LARP1B: variants seen among roughly 807,000 people sequenced by gnomAD.
LARP1B encodes the protein la-related protein 1B.
In LARP1B, 76 loss-of-function variants were observed where a neutral mutation model predicts 114.2. That is an observed-to-expected ratio of 0.67 (90% confidence interval 0.55 to 0.81). LARP1B has a LOEUF of 0.81. Among genes scored for constraint, LARP1B ranks in the 30% least tolerant of loss-of-function variants. The pLI, the probability that LARP1B is intolerant of heterozygous loss-of-function variation, is 0.00. For synonymous variants in LARP1B, 345 were observed against 348.0 expected (o/e 0.99, Z 0.10); for missense variants, 1,014 against 1,075.8 (o/e 0.94, Z 0.80).
intron 7 of LARP1B, among the ~76,000 whole-genome samples, chr4:128,092,228 G>T (rs1230803417): frequency 6.6e-6 from 1 of 152,036 alleles, no homozygotes; most frequent in Non-Finnish European, 1.5e-5. Flanking sequence ...ATAAAAAATG[G>T]TGGTATCTTT....
intron 12 of LARP1B, among the ~76,000 whole-genome samples, chr4:128,171,302 T>G (rs964311318): frequency 6.6e-6 from 1 of 152,098 alleles, no homozygotes; most frequent in South Asian, 2.1e-4. Flanking sequence ...CTAATTTTTT[T>G]ATTTTTTGTG....
intron 11 of LARP1B, among the ~76,000 whole-genome samples, chr4:128,125,659 T>C (rs765050720): frequency 3.3e-5 from 5 of 152,170 alleles, no homozygotes; most frequent in Non-Finnish European, 5.9e-5. Context: ...GGCAGGAGAA[T>C]CACTTGAACC....
chr4:128,155,502 GC>G, intron 11 of LARP1B: 1 of 791,634 alleles, frequency 1.3e-6, no homozygotes, highest in Non-Finnish European at 2.3e-6. Flanking sequence ...TCCACCTCGT[GC>G]CAAGGATCAG....
At chr4:128,123,080 T>A in intron 11 of LARP1B, 1 of 985,442 alleles carries the variant, frequency 1.0e-6, no homozygotes, top group Non-Finnish European at 1.2e-6. Context: ...AATTAGTGGC[T>A]GAGTAGAGGG....
chr4:128,181,541 A>G lies in LARP1B; in HGVS notation c.2003+2029A>G, dbSNP rs138045231. ...GCTTTCTTTTGGATTGAGTTTTTAT[A>G]ATGATCCTATTTTATCTCTACTATT... On this transcript the variant is annotated intron_variant, in intron 15 of 19. Coordinates refer to ENST00000326639, the MANE Select transcript of LARP1B (RefSeq NM_018078.4). Among the ~76,000 whole-genome samples the G allele has an allele frequency of 4.9e-3, 747 of 151,992 alleles. 17 individuals carry two copies. The highest frequency in any genetic ancestry group is 0.037 in the Admixed American group (571 of 15,284).
rs1343306704 is a variant in LARP1B, at chr4:128,110,484, T to TA, written c.988+3179dup. ...GTCAGGAGATCGAGACCATCCCGGCTAAAAAAAACGGTGAAACCCCGTCTC... is the reference window on the plus strand; with the variant it reads ...GTCAGGAGATCGAGACCATCCCGGCTAAAAAAAAACGGTGAAACCCCGTCTC... On this transcript the variant is annotated intron_variant, in intron 9 of 19. Transcript: ENST00000326639. 6.7e-4 allele frequency among the ~76,000 whole-genome samples: 99 copies of TA among 148,514 alleles called. No individual in the cohort carries two copies. The East Asian group carries it at 0.012, about 18-fold the overall frequency.
At chr4:128,082,442 G>C in intron 5 of LARP1B, 137 bp downstream of exon 5, 1 of 672,844 alleles carries the variant, frequency 1.5e-6, no homozygotes, top group South Asian at 2.0e-5. Flanking sequence ...TACCTTCAGG[G>C]TATATTTCAT....
intron 3 of LARP1B, among the ~76,000 whole-genome samples, chr4:128,076,571 C>T (rs550552733): frequency 1.6e-4 from 24 of 152,166 alleles, no homozygotes; most frequent in African/African-American, 5.8e-4. Context: ...GCTATATGAA[C>T]GTTTGTGTAG....
rs745646919 is a variant in LARP1B, at chr4:128,137,770, C to CATAT, written c.1524+15601_1524+15604dup. ...ATATATACAGAAACGTGTGTGTATA[C>CATAT]ATATATATATATATATATATATTTT... is the stretch of plus-strand genomic sequence containing the variant. On this transcript the variant is annotated intron_variant, in intron 11 of 19. Transcript: ENST00000326639. Among the ~76,000 whole-genome samples, 552 of 141,306 alleles carry CATAT rather than the reference C, an allele frequency of 3.9e-3. 1 individual carries two copies. Among genetic ancestry groups the CATAT allele is most frequent in the African/African-American group, 0.013 (496 of 37,714 alleles). 92.7% of individuals were successfully genotyped at this position (141,306 alleles called of 152,430 possible).
chr4:128,134,157 C>T (rs1030856825), intron 11 of LARP1B, among the ~76,000 whole-genome samples: 1 of 152,100 alleles, frequency 6.6e-6, no homozygotes, highest in South Asian at 2.1e-4. Context: ...CACACTGCCA[C>T]ACCTGGGTAA....
At chr4:128,175,210 G>C (rs1745382972) in intron 12 of LARP1B, among the ~76,000 whole-genome samples, 1 of 152,038 alleles carries the variant, frequency 6.6e-6, no homozygotes. Flanking sequence ...TTTAGATATA[G>C]GACTGAGTAT....
At chr4:128,170,654 T>A (rs1287387192) in intron 12 of LARP1B, among the ~76,000 whole-genome samples, 2 of 152,208 alleles carry the variant, frequency 1.3e-5, no homozygotes, top group African/African-American at 4.8e-5. Flanking sequence ...CTTTCATTTC[T>A]TTCTCATGGT....
At chr4:128,196,700 GT>G (rs1482406076) in intron 15 of LARP1B, among the ~76,000 whole-genome samples, 1 of 151,620 alleles carries the variant, frequency 6.6e-6, no homozygotes, top group African/African-American at 2.4e-5. Flanking sequence ...ACCACTCTTA[GT>G]TATATATCAA....
At chr4:128,140,824 G>GTTGTTTTTTTTTTTTTT (rs55639320) in intron 11 of LARP1B, among the ~76,000 whole-genome samples, 2 of 138,604 alleles carry the variant, frequency 1.4e-5, no homozygotes, top group Admixed American at 7.5e-5. Context: ...AATTGTCTCT[G>GTTGTTTTTTTTTTTTTT]TTTTTTTTTT....
intron 11 of LARP1B, among the ~76,000 whole-genome samples, chr4:128,156,863 T>TAAAAAAAAAAAAAAAAAAA (rs56753518): frequency 1.2e-5 from 1 of 80,782 alleles, no homozygotes; most frequent in Non-Finnish European, 2.3e-5. Flanking sequence ...GGCTTGAAGC[T>TAAAAAAAAAAAAAAAAAAA]AAAAAAAAAA....
chr4:128,066,477 C>CTTT (rs376383374), intron 1 of LARP1B, among the ~76,000 whole-genome samples: 4 of 120,440 alleles, frequency 3.3e-5, no homozygotes, highest in African/African-American at 6.1e-5. Context: ...TGCGCCCGGC[C>CTTT]TTTTTTTTTT....
intron 8 of LARP1B, among the ~76,000 whole-genome samples, chr4:128,101,776 G>A (rs1029336240): frequency 2.0e-5 from 3 of 152,060 alleles, no homozygotes; most frequent in Admixed American, 6.6e-5. Context: ...TACCGCCGCC[G>A]GCATTAGAAT....
chr4:128,074,839 T>C, intron 2 of LARP1B, 95 bp from the exon 3 acceptor site: 2 of 817,004 alleles, frequency 2.4e-6, no homozygotes, highest in Non-Finnish European at 2.0e-6. Flanking sequence ...TATAAATGAT[T>C]ATTTAAAACT....
intron 15 of LARP1B, among the ~76,000 whole-genome samples, chr4:128,180,234 G>T (rs1386875585): frequency 2.6e-5 from 4 of 152,116 alleles, no homozygotes; most frequent in African/African-American, 7.2e-5. Flanking sequence ...TTACAGGCAT[G>T]AGCCACCTCA....
Sources: gnomAD v4.1 joint callset for allele counts (sites outside exome capture counted in the v4.1 genomes callset) on GRCh38, gnomAD v4.1.1 for gene constraint, MANE v1.5 for transcripts, NCBI Gene and HGNC (gene_info 2026-07-23, HGNC 2026-07-21) for gene names.